HS6ST3: variants seen among roughly 807,000 people sequenced by gnomAD.
HS6ST3 encodes heparan sulfate 6-O-sulfotransferase 3.
Under a neutral mutation model 36.7 loss-of-function variants are expected in HS6ST3, and 12 were observed. That is an observed-to-expected ratio of 0.33 (90% CI 0.21 to 0.53). The LOEUF (loss-of-function observed/expected upper bound fraction) is 0.53, where lower values mean the gene tolerates loss of function less well. Among genes scored for constraint, HS6ST3 ranks in the 20% least tolerant of loss-of-function variants. The pLI is 0.95. For synonymous variants in HS6ST3, 240 were observed against 257.5 expected, an observed-to-expected ratio of 0.93 and a Z score of 0.65; for missense variants, 584 against 640.9, an observed-to-expected ratio of 0.91 and a Z score of 0.96.
intron 1 of HS6ST3, among the ~76,000 whole-genome samples, chr13:96,736,911 T>C (rs1223495207): frequency 6.6e-6 from 1 of 152,186 alleles, no homozygotes; most frequent in African/African-American, 2.4e-5. Flanking sequence ...AAGAGACTGA[T>C]GAAAGCATGA....
At chr13:96,512,301 C>T (rs2056053086) in intron 1 of HS6ST3, among the ~76,000 whole-genome samples, 1 of 152,140 alleles carries the variant, frequency 6.6e-6, no homozygotes, top group Admixed American at 6.5e-5. Flanking sequence ...CTGGTATATT[C>T]TAAAAATACC....
intron 1 of HS6ST3, among the ~76,000 whole-genome samples, chr13:96,670,475 T>C (rs1566425945): frequency 6.6e-6 from 1 of 152,076 alleles, no homozygotes; most frequent in Non-Finnish European, 1.5e-5. Context: ...TGAGATCTTA[T>C]AGCAAGAATG....
At chr13:96,117,822 C>T (rs2053900729) in intron 1 of HS6ST3, among the ~76,000 whole-genome samples, 2 of 151,902 alleles carry the variant, frequency 1.3e-5, no homozygotes, top group Admixed American at 1.3e-4. Context: ...ATGTCTCCTG[C>T]CCCCAAATTT....
intron 1 of HS6ST3, among the ~76,000 whole-genome samples, chr13:96,350,589 G>A (rs942381825): frequency 1.5e-4 from 23 of 152,286 alleles, no homozygotes; most frequent in Admixed American, 5.2e-4. Flanking sequence ...GCAGTATAAG[G>A]CGCTAGATGT....
intron 1 of HS6ST3, among the ~76,000 whole-genome samples, chr13:96,511,877 C>G (rs2080340138): frequency 6.6e-6 from 1 of 152,092 alleles, no homozygotes; most frequent in South Asian, 2.1e-4. Flanking sequence ...TTGAAATCTT[C>G]TTTTGTATAC....
At chr13:96,269,122 T>C (rs1232039043) in intron 1 of HS6ST3, among the ~76,000 whole-genome samples, 2 of 151,970 alleles carry the variant, frequency 1.3e-5, no homozygotes, top group East Asian at 3.8e-4. Flanking sequence ...TCAGAACTCA[T>C]TGAGTGGTAG....
intron 1 of HS6ST3, among the ~76,000 whole-genome samples, chr13:96,352,107 A>G (rs2055186844): frequency 6.6e-6 from 1 of 152,238 alleles, no homozygotes; most frequent in Non-Finnish European, 1.5e-5. Context: ...GGTCCATTCT[A>G]TGTAAATGAG....
chr13:96,649,449 A>G (rs993052265), intron 1 of HS6ST3, among the ~76,000 whole-genome samples: 2 of 152,006 alleles, frequency 1.3e-5, no homozygotes, highest in Non-Finnish European at 1.5e-5. Context: ...ACAATTCAAG[A>G]TGATATTTGG....
At chr13:96,099,143 T>C (rs956422470) in intron 1 of HS6ST3, among the ~76,000 whole-genome samples, 1 of 152,110 alleles carries the variant, frequency 6.6e-6, no homozygotes, top group African/African-American at 2.4e-5. Flanking sequence ...AGGGTTTTAC[T>C]ATGTTGGCCA....
chr13:96,268,043 C>G (rs2054701388), intron 1 of HS6ST3, among the ~76,000 whole-genome samples: 1 of 151,926 alleles, frequency 6.6e-6, no homozygotes. Context: ...TCTGATGTCT[C>G]TTCATCTTTT....
chr13:96,416,661 A>T (rs1158801138), intron 1 of HS6ST3, among the ~76,000 whole-genome samples: 3 of 143,466 alleles, frequency 2.1e-5, no homozygotes, highest in Non-Finnish European at 3.0e-5. Flanking sequence ...CTGTAAGTGT[A>T]TTTTTTTTTT....
chr13:96,637,011 A>T (rs537206140), intron 1 of HS6ST3, among the ~76,000 whole-genome samples: 239 of 150,666 alleles, frequency 1.6e-3, no homozygotes, highest in African/African-American at 3.0e-3. Flanking sequence ...ATTTAAATTT[A>T]AAAAAAAAGA....
At chr13:96,809,120 A>T in intron 1 of HS6ST3, among the ~76,000 whole-genome samples, 1 of 152,206 alleles carries the variant, frequency 6.6e-6, no homozygotes, top group East Asian at 1.9e-4. Flanking sequence ...TCAAGGAAAA[A>T]GCTCTGGGTC....
At chr13:96,373,432 T>G (rs1234954650) in intron 1 of HS6ST3, among the ~76,000 whole-genome samples, 2 of 152,168 alleles carry the variant, frequency 1.3e-5, no homozygotes, top group East Asian at 3.9e-4. Flanking sequence ...TTTTGTTAAA[T>G]GATGTTCTGA....
intron 1 of HS6ST3, among the ~76,000 whole-genome samples, chr13:96,707,253 A>C (rs894949083): frequency 6.6e-6 from 1 of 152,154 alleles, no homozygotes; most frequent in Non-Finnish European, 1.5e-5. Flanking sequence ...GAGATGATTT[A>C]TCTCTCCTCC....
chr13:96,091,525 C>G lies in HS6ST3; in HGVS notation c.663C>G (p.Ala221=). ...CGGAGCTCACCAACTGCGTGCCGGC[C>G]ATCATGGAGAAGAAGGACTGTCCCC... ...DWTELTNCVP[A]IMEKKDCPRN... The change falls in exon 1 of 2, where the codon GCC becomes GCG. Residue 221 remains alanine, a synonymous_variant. Coordinates refer to ENST00000376705, the MANE Select transcript of HS6ST3 (RefSeq NM_153456.4). 6.3e-7 allele frequency: 1 copy of G among 1,593,220 alleles called. No individual in the cohort carries two copies. The highest frequency in any genetic ancestry group is 1.3e-5 in the African/African-American group (1 of 74,686).
intron 1 of HS6ST3, among the ~76,000 whole-genome samples, chr13:96,159,692 G>A (rs1414201160): frequency 6.6e-6 from 1 of 152,178 alleles, no homozygotes; most frequent in East Asian, 1.9e-4. Context: ...TAAGAAAAAA[G>A]CTGCAGGTAT....
chr13:96,493,749 A>G (rs190845994), intron 1 of HS6ST3, among the ~76,000 whole-genome samples: 9 of 152,324 alleles, frequency 5.9e-5, no homozygotes, highest in African/African-American at 2.2e-4. Flanking sequence ...TTTTATGGTT[A>G]TGTCTTTTTA....
At chr13:96,675,496 T>C (rs920686209) in intron 1 of HS6ST3, among the ~76,000 whole-genome samples, 1 of 152,144 alleles carries the variant, frequency 6.6e-6, no homozygotes, top group Non-Finnish European at 1.5e-5. Context: ...GGTTATTTCA[T>C]TGAGTGTAGG....
Sources: allele counts gnomAD v4.1 joint callset (sites outside exome capture counted in the v4.1 genomes callset), GRCh38; gene constraint gnomAD v4.1.1; transcripts MANE v1.5; gene names NCBI Gene and HGNC (gene_info 2026-07-23, HGNC 2026-07-21).